The following PIK3R1 variants were observed in gnomAD, a reference collection of about 807,000 sequenced individuals.
The protein encoded by PIK3R1 is phosphatidylinositol 3-kinase regulatory subunit alpha.
Under a neutral mutation model 98.0 loss-of-function variants are expected in PIK3R1, and 29 were observed. That is an observed-to-expected ratio of 0.30 (90% CI 0.22 to 0.40). The LOEUF is 0.40. Ranked by LOEUF, PIK3R1 falls within the 10% of genes least tolerant of loss-of-function variation. The pLI is 1.00. For synonymous variants in PIK3R1, 282 were observed against 311.8 expected, an observed-to-expected ratio of 0.90 and a Z score of 1.01; for missense variants, 596 against 872.7, an observed-to-expected ratio of 0.68 and a Z score of 3.99.
At chr5:68,280,796 A>C in intron 6 of PIK3R1, 67 bp downstream of exon 6, 1 of 1,410,704 alleles carries the variant, frequency 7.1e-7, no homozygotes, top group South Asian at 1.2e-5. Flanking sequence ...TTGGTCATGA[A>C]AATGTATTCT....
Position 68,226,404 on chromosome 5 carries a change from G to T in PIK3R1, c.-272G>T. 1 of 483,058 alleles carries T rather than the reference G, an allele frequency of 2.1e-6. No homozygotes were observed. The highest frequency in any genetic ancestry group is 5.0e-5 in the South Asian group (1 of 20,040). 29.9% of individuals were successfully genotyped at this position (483,058 alleles called of 1,614,324 possible). A position where few individuals can be genotyped will look rare whatever the true frequency, so the allele number is the denominator to read the frequency against. ...AGAGTCAGCCTGGATTCAAAGTGTT[G>T]ACAAGTTGCTGAAAAGGAAGCCAGT... On this transcript the variant is annotated 5_prime_UTR_variant, in exon 2 of 16. Coordinates refer to ENST00000521381, the MANE Select transcript of PIK3R1 (RefSeq NM_181523.3).
At chr5:68,277,820 CT>C (rs760257321) in intron 4 of PIK3R1, among the ~76,000 whole-genome samples, 5 of 152,154 alleles carry the variant, frequency 3.3e-5, no homozygotes, top group African/African-American at 4.8e-5. Flanking sequence ...CCCCCATCAC[CT>C]TGATTCAGAG....
chr5:68,270,788 A>C (rs888976726), intron 2 of PIK3R1, among the ~76,000 whole-genome samples: 19 of 152,210 alleles, frequency 1.2e-4, no homozygotes, highest in Admixed American at 1.0e-3. Context: ...ATGATATTTC[A>C]TTGTATTCAG....
chr5:68,246,510 A>T (rs980853704), intron 2 of PIK3R1, among the ~76,000 whole-genome samples: 1 of 152,022 alleles, frequency 6.6e-6, no homozygotes, highest in African/African-American at 2.4e-5. Flanking sequence ...ACAGGGTTTC[A>T]CCATGTTAGC....
chr5:68,272,803 A>C (rs1166728818), intron 2 of PIK3R1, among the ~76,000 whole-genome samples: 2 of 152,168 alleles, frequency 1.3e-5, no homozygotes, highest in Non-Finnish European at 2.9e-5. Flanking sequence ...TGGATCTGAG[A>C]CTCAGCCCAT....
chr5:68,232,792 A>G (rs1428912852), intron 2 of PIK3R1, among the ~76,000 whole-genome samples: 1 of 152,200 alleles, frequency 6.6e-6, no homozygotes, highest in Non-Finnish European at 1.5e-5. Context: ...AAAATGGGAA[A>G]AGGGTCCAGT....
In PIK3R1 at chr5:68,227,025, T is replaced by C. The variant is rs1239665053; in HGVS notation, c.334+16T>C. 3.2e-6 allele frequency: 5 copies of C among 1,573,224 alleles called. No homozygotes were observed. The highest frequency in any genetic ancestry group is 4.3e-6 in the Non-Finnish European group (5 of 1,161,012). ...GAACAACAAGGTCAGTATTGATAAG[T>C]GGTTGCTTAATGACTCCCTTTCTTT... is the stretch of plus-strand genomic sequence containing the variant. On this transcript the variant is annotated intron_variant, in intron 2 of 15. Coordinates refer to ENST00000521381, the MANE Select transcript of PIK3R1 (RefSeq NM_181523.3).
At chr5:68,291,810 G>A (rs1405466641) in intron 7 of PIK3R1, 2 of 154,510 alleles carry the variant, frequency 1.3e-5, no homozygotes, top group African/African-American at 2.4e-5. Flanking sequence ...AACAGAGTTT[G>A]TGGAGGACAG....
In PIK3R1 at chr5:68,250,853, G is replaced by T. The variant is rs139505521; in HGVS notation, c.335-22537G>T. 6.3e-3 allele frequency among the ~76,000 whole-genome samples: 954 copies of T among 152,314 alleles called. 9 individuals are homozygous for T. Among genetic ancestry groups the T allele is most frequent in the South Asian group, 0.013 (64 of 4,828 alleles). On this transcript the variant is annotated intron_variant, in intron 2 of 15. Coordinates refer to ENST00000521381, the MANE Select transcript of PIK3R1 (RefSeq NM_181523.3). ...CACTACTTGAGGAGCTTGAATTGGT[G>T]CTCTTGGAGTTCTTTAGATTAGTTA...
At position 68,226,461 on chromosome 5, in the gene PIK3R1, C is replaced by T; in HGVS notation, c.-215C>T. The T allele has an allele frequency of 1.9e-6, 1 of 516,784 alleles. No homozygotes were observed. The highest frequency in any genetic ancestry group is 2.9e-5 in the East Asian group (1 of 34,760). 32.0% of individuals were successfully genotyped at this position (516,784 alleles called of 1,614,324 possible). On this transcript the variant is annotated 5_prime_UTR_variant, in exon 2 of 16. Coordinates refer to ENST00000521381, the MANE Select transcript of PIK3R1 (RefSeq NM_181523.3). ...ACTGTGGCACGCAGAGGAAGTGGAG[C>T]CCTGTCTTCGGTCACACCATTGATG...
At chr5:68,256,853 G>C (rs1745539509) in intron 2 of PIK3R1, among the ~76,000 whole-genome samples, 1 of 152,184 alleles carries the variant, frequency 6.6e-6, no homozygotes, top group Non-Finnish European at 1.5e-5. Context: ...CCCTATTGAA[G>C]AAGGTTAGTA....
intron 7 of PIK3R1, among the ~76,000 whole-genome samples, chr5:68,281,980 A>G (rs1746863099): frequency 6.6e-6 from 1 of 152,206 alleles, no homozygotes. Flanking sequence ...ACCCACCTGC[A>G]GCAGGTAGGA....
Position 68,300,331 on chromosome 5 carries a change from C to G in PIK3R1, c.*2730C>G, listed in dbSNP as rs1301604814. The G allele has an allele frequency of 4.3e-6, 1 of 232,848 alleles. No homozygotes were observed. Among genetic ancestry groups the G allele is most frequent in the Admixed American group, 5.6e-5 (1 of 17,770 alleles). The allele number at this position is 232,848 out of a possible 1,614,324, so 14.4% of individuals were successfully genotyped here. On this transcript the variant is annotated 3_prime_UTR_variant, in exon 16 of 16. Coordinates refer to ENST00000521381, the MANE Select transcript of PIK3R1 (RefSeq NM_181523.3). ...TTTGTCGTTTTAGATACTTTGCTAG[C>G]CGGCCACTTTGGATTTCATCAGACA...
At chr5:68,296,646 T>G (rs1747726756) in intron 15 of PIK3R1, among the ~76,000 whole-genome samples, 1 of 152,166 alleles carries the variant, frequency 6.6e-6, no homozygotes, top group African/African-American at 2.4e-5. Flanking sequence ...AAAATGGAAG[T>G]GGCAGTGCCT....
chr5:68,292,320 G>A lies in PIK3R1; in HGVS notation c.978G>A (p.Met326Ile), dbSNP rs3730089. 0.17 allele frequency: 276,121 copies of A among 1,610,794 alleles called. 26,801 individuals carry two copies. Among genetic ancestry groups the A allele is most frequent in the African/African-American group, 0.38 (28,726 of 74,806 alleles). ...CCAACAACGGTATGAATAACAATAT[G>A]TCCTTACAAGATGCTGAATGGTACT... ...TVANNGMNNNMSLQDAEWYWG... is the reference protein window; with the variant it reads ...TVANNGMNNNISLQDAEWYWG... Residue 326 changes from methionine (M) to isoleucine (I), a missense_variant, in exon 8 of 16, where the codon ATG becomes ATA. Met to Ile is a conservative substitution (Grantham distance 10, BLOSUM62 1). This residue lies in a region of PIK3R1 where 37 missense variants were observed against 118.0 expected (regional missense o/e 0.31). Transcript: ENST00000521381.
chr5:68,241,979 CA>C, intron 2 of PIK3R1, among the ~76,000 whole-genome samples: 1 of 152,282 alleles, frequency 6.6e-6, no homozygotes, highest in South Asian at 2.1e-4. Flanking sequence ...AAGCATGTAT[CA>C]AATCAGAGAC....
intron 2 of PIK3R1, among the ~76,000 whole-genome samples, chr5:68,228,791 A>G (rs569507217): frequency 4.6e-5 from 7 of 152,316 alleles, no homozygotes; most frequent in African/African-American, 1.4e-4. Flanking sequence ...ACAATTTTAT[A>G]AAAGCAGTTT....
rs1383144015 is a variant in PIK3R1 at position 68,245,345 on chromosome 5, T to C, written c.334+18336T>C. On this transcript the variant is annotated intron_variant, in intron 2 of 15. Transcript: ENST00000521381. ...TAAAAAAAAATAGTTGAGTTTTAAA[T>C]ATGCTGTTTGGGTCCTTATGAGCAT... 2.0e-5 allele frequency among the ~76,000 whole-genome samples: 3 copies of C among 152,362 alleles called. No homozygotes were observed. The East Asian group carries it at 5.8e-4, about 29-fold the overall frequency.
chr5:68,290,826 A>C, intron 7 of PIK3R1: 1 of 1,608,516 alleles, frequency 6.2e-7, no homozygotes, highest in Non-Finnish European at 8.5e-7. Context: ...ATAGAAATGG[A>C]CCCACCAGGT....
Sources: gnomAD v4.1 joint callset for allele counts (sites outside exome capture counted in the v4.1 genomes callset) on GRCh38, gnomAD v4.1.1 for gene constraint, gnomAD v4.1.1 regional missense constraint, MANE v1.5 for transcripts, NCBI Gene and HGNC (gene_info 2026-07-23, HGNC 2026-07-21) for gene names.